The following LARP1 variants were observed in gnomAD, a reference collection of about 807,000 sequenced individuals.
The protein encoded by LARP1 is la-related protein 1.
Under a neutral mutation model 122.7 loss-of-function variants are expected in LARP1, and 36 were observed. That is an observed-to-expected ratio of 0.29 (90% CI 0.22 to 0.39). The LOEUF (loss-of-function observed/expected upper bound fraction) is 0.39, where lower values mean the gene tolerates loss of function less well. LARP1 is among the 10% of genes least tolerant of loss of function. The probability of loss-of-function intolerance (pLI) is 1.00; values close to 1 mark genes in which losing one functional copy is unlikely to be tolerated. For missense variants in LARP1, 1,040 were observed against 1,403.6 expected, an observed-to-expected ratio of 0.74 and a Z score of 4.14; for synonymous variants, 539 against 528.7, an observed-to-expected ratio of 1.02 and a Z score of -0.27.
chr5:154,724,728 C>T (rs1333515176), intron 1 of LARP1, among the ~76,000 whole-genome samples: 1 of 150,668 alleles, frequency 6.6e-6, no homozygotes, highest in Non-Finnish European at 1.5e-5. Flanking sequence ...TGCAGTGGCA[C>T]AATCATAGCT....
chr5:154,804,717 G>C, intron 14 of LARP1: 1 of 454,832 alleles, frequency 2.2e-6, no homozygotes, highest in Non-Finnish European at 4.4e-6. Context: ...GCCCCAACCT[G>C]TATCTGCTGA....
chr5:154,692,608 G>T (rs75662337), intron 1 of LARP1, among the ~76,000 whole-genome samples: 1 of 152,048 alleles, frequency 6.6e-6, no homozygotes, highest in Admixed American at 6.6e-5. Context: ...AAAGGCCATT[G>T]CCTGTGAAGA....
At chr5:154,788,514 G>T (rs1436691759) in intron 1 of LARP1, among the ~76,000 whole-genome samples, 1 of 152,184 alleles carries the variant, frequency 6.6e-6, no homozygotes, top group Non-Finnish European at 1.5e-5. Context: ...AAGCCAGCCG[G>T]GCAAATTTCT....
At chr5:154,745,859 G>A (rs572694779) in intron 1 of LARP1, among the ~76,000 whole-genome samples, 4 of 151,220 alleles carry the variant, frequency 2.6e-5, no homozygotes, top group Admixed American at 2.0e-4. Flanking sequence ...GCAATGGTGC[G>A]ATTTCAGATC....
chr5:154,792,201 G>T (rs932208439), intron 3 of LARP1, among the ~76,000 whole-genome samples: 2 of 152,226 alleles, frequency 1.3e-5, no homozygotes, highest in Non-Finnish European at 2.9e-5. Flanking sequence ...CAGCACTTTT[G>T]TTCTGGCCAG....
At chr5:154,693,103 G>A (rs2113213765) in intron 1 of LARP1, among the ~76,000 whole-genome samples, 2 of 151,838 alleles carry the variant, frequency 1.3e-5, no homozygotes, top group South Asian at 2.1e-4. Context: ...GGGATTACAG[G>A]TGTGAGCCAC....
intron 1 of LARP1, chr5:154,705,871 A>G (rs1754923192): frequency 6.6e-6 from 1 of 152,224 alleles, no homozygotes; most frequent in South Asian, 2.1e-4. Flanking sequence ...ACAGAACTAT[A>G]TATCAAAAAC....
chr5:154,691,405 T>C (rs1297183851), intron 1 of LARP1, among the ~76,000 whole-genome samples: 1 of 152,130 alleles, frequency 6.6e-6, no homozygotes, highest in Non-Finnish European at 1.5e-5. Context: ...AAACTGGCCC[T>C]TTCCCCCGTC....
chr5:154,689,117 G>A (rs956157893), intron 1 of LARP1, among the ~76,000 whole-genome samples: 1 of 151,934 alleles, frequency 6.6e-6, no homozygotes, highest in African/African-American at 2.4e-5. Context: ...TCAGGAGTTC[G>A]AGACCAGCCT....
chr5:154,793,839 C>A lies in LARP1; in HGVS notation c.908C>A (p.Thr303Asn). Residue 303 changes from threonine (T) to asparagine (N), a missense_variant, in exon 6 of 19, where the codon ACC becomes AAC. Transcript: ENST00000518297. ...ACCTACGTGCCCGTGGCCCCCCCCACCCCAGCCTGGCAACCAGAGATCAAA... is the reference window on the plus strand; with the variant it reads ...ACCTACGTGCCCGTGGCCCCCCCCAACCCAGCCTGGCAACCAGAGATCAAA... ...SATYVPVAPP[T>N]PAWQPEIKPE... 6.2e-7 allele frequency: 1 copy of A among 1,614,186 alleles called. No homozygotes were observed. Among genetic ancestry groups the A allele is most frequent in the Admixed American group, 1.7e-5 (1 of 60,032 alleles).
intron 1 of LARP1, among the ~76,000 whole-genome samples, chr5:154,683,840 T>A (rs559487532): frequency 3.9e-5 from 6 of 152,346 alleles, no homozygotes; most frequent in African/African-American, 1.2e-4. Flanking sequence ...CAGAAAATTA[T>A]CTGGGGATCA....
At chr5:154,718,526 C>G (rs1582196421) in intron 1 of LARP1, 1 of 152,310 alleles carries the variant, frequency 6.6e-6, no homozygotes, top group Non-Finnish European at 1.5e-5. Flanking sequence ...CTTAGGCAAC[C>G]TGGTGGCCCC....
intron 1 of LARP1, among the ~76,000 whole-genome samples, chr5:154,769,544 G>A (rs746436326): frequency 9.8e-5 from 15 of 152,324 alleles, no homozygotes; most frequent in Admixed American, 3.3e-4. Flanking sequence ...GAGTGTGATG[G>A]AGAGATAGGA....
intron 1 of LARP1, among the ~76,000 whole-genome samples, chr5:154,765,889 G>C (rs138728887): frequency 6.6e-6 from 1 of 152,302 alleles, no homozygotes; most frequent in African/African-American, 2.4e-5. Context: ...TCAGACATAG[G>C]GGATACTGCA....
intron 1 of LARP1, among the ~76,000 whole-genome samples, chr5:154,722,933 G>A (rs371716267): frequency 3.3e-5 from 5 of 152,158 alleles, no homozygotes; most frequent in East Asian, 3.9e-4. Context: ...CACCCACCTC[G>A]GCCTCCCAGA....
intron 1 of LARP1, among the ~76,000 whole-genome samples, chr5:154,695,755 C>G (rs892918355): frequency 6.6e-6 from 1 of 152,118 alleles, no homozygotes; most frequent in Non-Finnish European, 1.5e-5. Context: ...TACCTGTAAT[C>G]CCAGCTACTT....
chr5:154,708,670 A>G (rs774819822), upstream of LARP1, among the ~76,000 whole-genome samples: 1 of 152,100 alleles, frequency 6.6e-6, no homozygotes, highest in African/African-American at 2.4e-5. Flanking sequence ...CTGGAGTGCA[A>G]TGGTGATCTC....
chr5:154,707,251 A>C (rs540083682), intron 1 of LARP1, among the ~76,000 whole-genome samples: 1 of 152,180 alleles, frequency 6.6e-6, no homozygotes, highest in African/African-American at 2.4e-5. Context: ...CTAAAAAAAA[A>C]TGTTTTAATG....
intron 1 of LARP1, among the ~76,000 whole-genome samples, chr5:154,773,109 G>A (rs1432495886): frequency 2.6e-5 from 4 of 150,976 alleles, no homozygotes; most frequent in Admixed American, 6.6e-5. Flanking sequence ...AGTTTAGTCC[G>A]CCCAGTTTTT....
Sources: gnomAD v4.1 joint callset for allele counts (sites outside exome capture counted in the v4.1 genomes callset) on GRCh38, gnomAD v4.1.1 for gene constraint, MANE v1.5 for transcripts, NCBI Gene and HGNC (gene_info 2026-07-23, HGNC 2026-07-21) for gene names.